The following A1CF variants were observed in gnomAD, a reference collection of about 807,000 sequenced individuals.
A1CF encodes the protein APOBEC-1 stimulating protein.
A neutral mutation model predicts 68.9 loss-of-function variants in A1CF; 48 were observed. The ratio of observed to expected loss-of-function variants is 0.70; its 90% confidence interval spans 0.55 to 0.89. The LOEUF (loss-of-function observed/expected upper bound fraction) is 0.89. Among genes scored for constraint, A1CF ranks in the 40% least tolerant of loss-of-function variants. The pLI, the probability that A1CF is intolerant of heterozygous loss-of-function variation, is 0.00. For synonymous variants in A1CF, 272 were observed against 260.4 expected, an observed-to-expected ratio of 1.04 and a Z score of -0.43; for missense variants, 653 against 718.9, an observed-to-expected ratio of 0.91 and a Z score of 1.05.
intron 5 of A1CF, 23 bp downstream of exon 5, chr10:50,841,839 A>T (rs980661539): frequency 3.7e-6 from 6 of 1,610,144 alleles, no homozygotes; most frequent in Non-Finnish European, 5.1e-6. Flanking sequence ...TTTCACTTTT[A>T]ATCTAGAAGA....
rs923376448 is a variant in A1CF at position 50,802,814 on chromosome 10, G to A, written c.*3915C>T. 6.6e-6 allele frequency: 1 copy of A among 152,148 alleles called. No individual in the cohort carries two copies. Among genetic ancestry groups the A allele is most frequent in the Non-Finnish European group, 1.5e-5 (1 of 68,042 alleles). The allele number at this position is 152,148 out of a possible 1,614,324, so 9.4% of individuals were successfully genotyped here. On this transcript the variant is annotated 3_prime_UTR_variant, in exon 13 of 13. Coordinates refer to ENST00000373997, the MANE Select transcript of A1CF (RefSeq NM_014576.4). ...CACACCTAAGAACCTCCCTGTCTAT[G>A]TGGATTCTAACTGTGGCCCAGTTGT...
intron 8 of A1CF, chr10:50,816,592 C>A: frequency 4.0e-6 from 1 of 247,968 alleles, no homozygotes; most frequent in South Asian, 8.4e-5. Flanking sequence ...TTTATTAGGT[C>A]ATATATGTGT....
chr10:50,870,209 G>A (rs565709411), intron 1 of A1CF, among the ~76,000 whole-genome samples: 6 of 151,770 alleles, frequency 4.0e-5, no homozygotes, highest in East Asian at 1.9e-4. Context: ...CTAGATTTTT[G>A]TAAACGATAG....
chr10:50,867,403 T>C (rs1379127413), intron 1 of A1CF, among the ~76,000 whole-genome samples: 1 of 152,186 alleles, frequency 6.6e-6, no homozygotes, highest in Non-Finnish European at 1.5e-5. Flanking sequence ...TGGTTGGAAC[T>C]GGAGGCTATT....
chr10:50,871,606 A>G (rs1272767130), intron 1 of A1CF, among the ~76,000 whole-genome samples: 1 of 152,056 alleles, frequency 6.6e-6, no homozygotes, highest in Non-Finnish European at 1.5e-5. Context: ...TAAAACAAGC[A>G]TAGAAATAGA....
chr10:50,811,254 C>G, intron 10 of A1CF, 78 bp from the exon 11 acceptor site: 1 of 1,434,440 alleles, frequency 7.0e-7, no homozygotes, highest in East Asian at 2.4e-5. Flanking sequence ...TTTTTAAACT[C>G]TAATTTTCAG....
At chr10:50,864,717 CAA>C (rs1365268002) in intron 1 of A1CF, among the ~76,000 whole-genome samples, 1 of 152,144 alleles carries the variant, frequency 6.6e-6, no homozygotes, top group African/African-American at 2.4e-5. Flanking sequence ...ATCCCAGGTT[CAA>C]GCGATTCTCC....
chr10:50,816,414 A>G (rs1322824853), intron 8 of A1CF, 135 bp from the exon 9 acceptor site: 1 of 1,093,930 alleles, frequency 9.1e-7, no homozygotes, highest in Non-Finnish European at 1.3e-6. Flanking sequence ...TTGTCATTTT[A>G]TAGGTTTGTT....
intron 7 of A1CF, chr10:50,822,846 T>G (rs1204163813): frequency 6.6e-6 from 1 of 152,158 alleles, no homozygotes; most frequent in East Asian, 1.9e-4. Flanking sequence ...TTCCAGTCTT[T>G]GCTTGGTTCA....
At chr10:50,837,187 T>C (rs1442686486) in intron 5 of A1CF, among the ~76,000 whole-genome samples, 1 of 152,216 alleles carries the variant, frequency 6.6e-6, no homozygotes, top group Non-Finnish European at 1.5e-5. Context: ...GTAGAAGTTA[T>C]TTCCATTTAC....
chr10:50,851,699 AAC>A (rs1375736822), intron 3 of A1CF, among the ~76,000 whole-genome samples: 6 of 152,196 alleles, frequency 3.9e-5, no homozygotes, highest in African/African-American at 1.4e-4. Flanking sequence ...TACCTCCAAC[AAC>A]TAACTTTCCT....
chr10:50,854,832 G>A (rs1319477049), intron 3 of A1CF, among the ~76,000 whole-genome samples: 2 of 151,874 alleles, frequency 1.3e-5, no homozygotes, highest in African/African-American at 2.4e-5. Context: ...ATTGGTTTAC[G>A]AAAGCAAGGG....
At position 50,802,802 on chromosome 10, in the gene A1CF, C is replaced by T. The variant is rs1277780621; in HGVS notation, c.*3927G>A. On this transcript the variant is annotated 3_prime_UTR_variant, in exon 13 of 13. Coordinates refer to ENST00000373997, the MANE Select transcript of A1CF (RefSeq NM_014576.4). ...TTCTACAAATGGCACACCTAAGAACCTCCCTGTCTATGTGGATTCTAACTG... is the reference window on the plus strand; with the variant it reads ...TTCTACAAATGGCACACCTAAGAACTTCCCTGTCTATGTGGATTCTAACTG... 1 of 152,156 alleles carries T rather than the reference C, an allele frequency of 6.6e-6. No individual in the cohort carries two copies. Among genetic ancestry groups the T allele is most frequent in the Non-Finnish European group, 1.5e-5 (1 of 68,032 alleles). The allele number at this position is 152,156 out of a possible 1,614,324, so 9.4% of individuals were successfully genotyped here.
At chr10:50,854,591 C>CCA (rs1840394054) in intron 3 of A1CF, among the ~76,000 whole-genome samples, 1 of 151,642 alleles carries the variant, frequency 6.6e-6, no homozygotes, top group Non-Finnish European at 1.5e-5. Flanking sequence ...TTTTTGGTAC[C>CCA]CACAGCTGTA....
rs1157078814 is a variant in A1CF, at chr10:50,800,928, G to A, written c.*5801C>T. On this transcript the variant is annotated 3_prime_UTR_variant, in exon 13 of 13. Transcript: ENST00000373997. ...AGGCAATATCCTTTTTAAGGTGAAGGTTAACGTAAGACCTGTCTGTTTTGG... is the reference window on the plus strand; with the variant it reads ...AGGCAATATCCTTTTTAAGGTGAAGATTAACGTAAGACCTGTCTGTTTTGG... 4 of 152,168 alleles carry A rather than the reference G, an allele frequency of 2.6e-5. No individual in the cohort carries two copies. The highest frequency in any genetic ancestry group is 2.4e-5 in the African/African-American group (1 of 41,438). The allele number at this position is 152,168 out of a possible 1,614,324, so 9.4% of individuals were successfully genotyped here.
rs1399837240 is a variant in A1CF at position 50,806,672 on chromosome 10, C to G, written c.*57G>C. 2.0e-5 allele frequency: 23 copies of G among 1,122,624 alleles called. No homozygotes were observed. Among genetic ancestry groups the G allele is most frequent in the Non-Finnish European group, 2.8e-5 (23 of 824,442 alleles). The allele number at this position is 1,122,624 out of a possible 1,614,324, so 69.5% of individuals were successfully genotyped here. A position where few individuals can be genotyped will look rare whatever the true frequency, so the allele number is the denominator to read the frequency against. Reference sequence around the variant, plus strand: ...TGGGGACCGAGTTAGAGGTTTATTTCTTTTTTTTTTTTAATAGAGTTTTGT... The same window carrying G: ...TGGGGACCGAGTTAGAGGTTTATTTGTTTTTTTTTTTTAATAGAGTTTTGT... On this transcript the variant is annotated 3_prime_UTR_variant, in exon 13 of 13. Coordinates refer to ENST00000373997, the MANE Select transcript of A1CF (RefSeq NM_014576.4).
chr10:50,880,177 T>C (rs562850949), intron 1 of A1CF, among the ~76,000 whole-genome samples: 1 of 152,346 alleles, frequency 6.6e-6, no homozygotes, highest in East Asian at 1.9e-4. Context: ...TCTTCAGTTC[T>C]AAGCCTTGAT....
At chr10:50,874,956 A>G (rs1365747666) in intron 1 of A1CF, among the ~76,000 whole-genome samples, 1 of 152,116 alleles carries the variant, frequency 6.6e-6, no homozygotes, top group East Asian at 1.9e-4. Flanking sequence ...GGGCCCAGGA[A>G]ATGACAGATT....
chr10:50,876,742 C>A (rs139178801), intron 1 of A1CF, among the ~76,000 whole-genome samples: 1,564 of 152,262 alleles, frequency 0.01, 11 homozygotes, highest in Middle Eastern at 0.024. Context: ...TTGCTTACTG[C>A]AAATCTTGGG....
Sources: gnomAD v4.1 joint callset for allele counts (sites outside exome capture counted in the v4.1 genomes callset) on GRCh38, gnomAD v4.1.1 for gene constraint, MANE v1.5 for transcripts, NCBI Gene and HGNC (gene_info 2026-07-23, HGNC 2026-07-21) for gene names.